Variants in CHD9 observed in about 807,000 individuals in gnomAD.
The protein encoded by CHD9 is ATP-dependent chromatin remodeler CHD9.
A neutral mutation model predicts 316.1 loss-of-function variants in CHD9; 77 were observed. The ratio of observed to expected loss-of-function variants is 0.24; its 90% CI spans 0.20 to 0.29. CHD9 has a LOEUF of 0.29. Ranked by LOEUF, CHD9 falls within the 10% of genes least tolerant of loss-of-function variation. The pLI, the probability that CHD9 is intolerant of heterozygous loss-of-function variation, is 1.00. For missense variants in CHD9, 2,763 were observed against 3,438.1 expected (o/e 0.80, Z 4.91); for synonymous variants, 1,129 against 1,158.3 (o/e 0.97, Z 0.51).
intron 31 of CHD9, 53 bp from the exon 32 acceptor site, chr16:53,306,184 T>C: frequency 9.1e-7 from 1 of 1,097,868 alleles, no homozygotes; most frequent in Non-Finnish European, 1.2e-6. Flanking sequence ...TCCTTATATA[T>C]AAAACTATTT....
intron 3 of CHD9, among the ~76,000 whole-genome samples, chr16:53,210,164 A>G (rs944815343): frequency 1.3e-5 from 2 of 152,102 alleles, no homozygotes; most frequent in African/African-American, 4.8e-5. Flanking sequence ...CAGAGCATGC[A>G]TTGAAATTCT....
chr16:53,278,513 C>A (rs946269082), intron 24 of CHD9, among the ~76,000 whole-genome samples: 1 of 152,100 alleles, frequency 6.6e-6, no homozygotes. Context: ...GGAAAAGACA[C>A]CCTATTCAAC....
chr16:53,164,651 G>A (rs960436976), intron 2 of CHD9, among the ~76,000 whole-genome samples: 1 of 151,544 alleles, frequency 6.6e-6, no homozygotes, highest in African/African-American at 2.4e-5. Flanking sequence ...TTGGAGGGGG[G>A]GGTTTGTTGT....
chr16:53,317,377 T>C (rs967090883), intron 36 of CHD9, among the ~76,000 whole-genome samples: 4 of 152,308 alleles, frequency 2.6e-5, no homozygotes, highest in Admixed American at 1.3e-4. Flanking sequence ...ATATTTTTAA[T>C]TGGCTGGAAA....
Position 53,266,083 on chromosome 16 carries a change from AATCACC to A in CHD9, c.4321-1208_4321-1203del, listed in dbSNP as rs537148694. ...TGTAGAAGGAATGAAGGAAATAAAA[AATCACC>A]ATGAATCAACTGCAGTAATAATTGT... On this transcript the variant is annotated intron_variant, in intron 20 of 38. Transcript: ENST00000447540. 7.2e-5 allele frequency among the ~76,000 whole-genome samples: 11 copies of A among 152,132 alleles called. No homozygotes were observed. In the South Asian group the frequency reaches 1.7e-3, roughly 23 times the overall value.
At chr16:53,222,277 T>C (rs185866504) in intron 3 of CHD9, among the ~76,000 whole-genome samples, 1 of 152,192 alleles carries the variant, frequency 6.6e-6, no homozygotes, top group East Asian at 1.9e-4. Flanking sequence ...GGTTTCACCA[T>C]GTTAGCCAGG....
At chr16:53,307,655 C>A in intron 32 of CHD9, 26 bp from the exon 33 acceptor site, 1 of 1,559,008 alleles carries the variant, frequency 6.4e-7, no homozygotes, top group Non-Finnish European at 8.7e-7. Context: ...ATTAAAATTA[C>A]ACTTTGATGT....
chr16:53,319,868 AC>A, intron 37 of CHD9: 8 of 1,235,782 alleles, frequency 6.5e-6, no homozygotes, highest in East Asian at 6.0e-5. Flanking sequence ...ATCCCCATAA[AC>A]CCCCAAGAGG....
intron 1 of CHD9, among the ~76,000 whole-genome samples, chr16:53,090,398 G>A (rs1567320154): frequency 6.6e-6 from 1 of 152,196 alleles, no homozygotes; most frequent in Non-Finnish European, 1.5e-5. Context: ...TGAAGATAAA[G>A]AGGGGTGTTT....
intron 2 of CHD9, among the ~76,000 whole-genome samples, chr16:53,163,879 T>C (rs185030714): frequency 2.4e-4 from 36 of 152,360 alleles, no homozygotes; most frequent in African/African-American, 8.4e-4. Flanking sequence ...CTGTTCTGAA[T>C]ACTTAACATA....
At chr16:53,189,782 A>G (rs1038321794) in intron 2 of CHD9, among the ~76,000 whole-genome samples, 8 of 152,036 alleles carry the variant, frequency 5.3e-5, no homozygotes, top group Non-Finnish European at 4.4e-5. Flanking sequence ...AGACTGTGCA[A>G]TTTTTTCCAT....
intron 24 of CHD9, among the ~76,000 whole-genome samples, chr16:53,280,166 A>G (rs907361506): frequency 6.6e-6 from 1 of 152,230 alleles, no homozygotes; most frequent in African/African-American, 2.4e-5. Context: ...CTATCCCACT[A>G]CTGGGTATTT....
intron 2 of CHD9, among the ~76,000 whole-genome samples, chr16:53,198,495 T>C (rs2045147154): frequency 2.0e-5 from 3 of 150,718 alleles, no homozygotes; most frequent in Admixed American, 1.3e-4. Context: ...CCCGGCTAAT[T>C]TTTTGTATTT....
intron 1 of CHD9, among the ~76,000 whole-genome samples, chr16:53,147,576 C>G (rs2040734538): frequency 6.6e-6 from 1 of 152,166 alleles, no homozygotes; most frequent in African/African-American, 2.4e-5. Flanking sequence ...TGTGAATTTT[C>G]CCATTCTAAA....
intron 34 of CHD9, among the ~76,000 whole-genome samples, chr16:53,314,076 A>G (rs971087728): frequency 6.6e-6 from 1 of 152,202 alleles, no homozygotes; most frequent in Non-Finnish European, 1.5e-5. Context: ...AATGGGTTCA[A>G]AGAAAGGGGA....
chr16:53,310,639 G>A (rs1202611727), intron 34 of CHD9, among the ~76,000 whole-genome samples: 2 of 151,614 alleles, frequency 1.3e-5, no homozygotes, highest in Non-Finnish European at 2.9e-5. Context: ...CCTGAGGTCA[G>A]GAGTTCGAGA....
chr16:53,174,819 G>A (rs961277814), intron 2 of CHD9, among the ~76,000 whole-genome samples: 3 of 152,048 alleles, frequency 2.0e-5, no homozygotes, highest in East Asian at 3.9e-4. Flanking sequence ...TTTGTTGCCC[G>A]GGCTTGTTTT....
At position 53,230,287 on chromosome 16, in the gene CHD9, C is replaced by A. The variant is rs146070640; in HGVS notation, c.2287-1132C>A. Among the ~76,000 whole-genome samples, 583 of 152,266 alleles carry A rather than the reference C, an allele frequency of 3.8e-3. 8 individuals are homozygous for A. The highest frequency in any genetic ancestry group is 0.014 in the African/African-American group (570 of 41,544). On this transcript the variant is annotated intron_variant, in intron 8 of 38. Coordinates refer to ENST00000447540, the MANE Select transcript of CHD9 (RefSeq NM_001308319.2). ...TGGTATCTGCCAGATGTCTTCACTA[C>A]ATAATTACTATTATTCCATTTGTAA...
chr16:53,084,499 C>G (rs1012027619), intron 1 of CHD9, among the ~76,000 whole-genome samples: 6 of 152,178 alleles, frequency 3.9e-5, no homozygotes, highest in Admixed American at 3.3e-4. Flanking sequence ...AATCCCAGCA[C>G]TTTGGGAGGC....
Sources: allele counts gnomAD v4.1 joint callset (sites outside exome capture counted in the v4.1 genomes callset), GRCh38; gene constraint gnomAD v4.1.1; transcripts MANE v1.5; gene names NCBI Gene and HGNC (gene_info 2026-07-23, HGNC 2026-07-21).